The following UVRAG variants were observed in gnomAD, a reference collection of about 807,000 sequenced individuals.
UVRAG encodes UV radiation resistance-associated gene protein.
Under a neutral mutation model 78.0 loss-of-function variants are expected in UVRAG, and 19 were observed. That is an observed-to-expected ratio of 0.24 (90% CI 0.17 to 0.36). The LOEUF is 0.36. UVRAG is among the 10% of genes least tolerant of loss of function. The probability of loss-of-function intolerance (pLI) is 1.00; values close to 1 mark genes in which losing one functional copy is unlikely to be tolerated. For missense variants in UVRAG, 740 were observed against 853.8 expected (o/e 0.87, Z 1.66); for synonymous variants, 323 against 324.6 (o/e 1.00, Z 0.05).
At chr11:76,081,453 G>A (rs1162703343) in intron 13 of UVRAG, among the ~76,000 whole-genome samples, 1 of 152,014 alleles carries the variant, frequency 6.6e-6, no homozygotes, top group South Asian at 2.1e-4. Context: ...TGATCTGCCC[G>A]CCTCTGCCTC....
At chr11:76,140,555 T>C (rs970588682) in intron 14 of UVRAG, among the ~76,000 whole-genome samples, 156 bp from the exon 15 acceptor site, 2 of 152,148 alleles carry the variant, frequency 1.3e-5, no homozygotes, top group African/African-American at 4.8e-5. Context: ...ATGTTGTTTT[T>C]TGCATTGAGA....
intron 1 of UVRAG, among the ~76,000 whole-genome samples, chr11:75,817,482 T>A (rs1342584595): frequency 6.6e-6 from 1 of 152,200 alleles, no homozygotes; most frequent in Non-Finnish European, 1.5e-5. Context: ...GAATGCTATA[T>A]GAGTGCCGAG....
chr11:76,066,087 C>T (rs541219072), intron 13 of UVRAG, among the ~76,000 whole-genome samples: 59 of 152,264 alleles, frequency 3.9e-4, no homozygotes, highest in Non-Finnish European at 7.6e-4. Flanking sequence ...CATCTCTTGC[C>T]TCTGCAGCTT....
chr11:75,983,698 T>C, intron 8 of UVRAG, 185 bp downstream of exon 8: 1 of 790,544 alleles, frequency 1.3e-6, no homozygotes, highest in Non-Finnish European at 1.8e-6. Context: ...TAGAGTATGT[T>C]TACACAAGCT....
chr11:76,022,828 T>C (rs1223948475), intron 12 of UVRAG, among the ~76,000 whole-genome samples: 1 of 152,226 alleles, frequency 6.6e-6, no homozygotes, highest in Admixed American at 6.5e-5. Context: ...TTATGCTTTT[T>C]TTGTGTCTCA....
At chr11:76,137,719 T>C (rs955206697) in intron 14 of UVRAG, 1 of 305,852 alleles carries the variant, frequency 3.3e-6, no homozygotes, top group Non-Finnish European at 6.4e-6. Context: ...TGCAAGATGA[T>C]GAGATCCTGT....
At chr11:76,138,511 A>G (rs1183515409) in intron 14 of UVRAG, among the ~76,000 whole-genome samples, 1 of 152,172 alleles carries the variant, frequency 6.6e-6, no homozygotes, top group African/African-American at 2.4e-5. Context: ...AGAGTTCTCA[A>G]ACTCAACGAG....
chr11:75,899,508 G>C (rs943891155), intron 5 of UVRAG, among the ~76,000 whole-genome samples: 2 of 152,024 alleles, frequency 1.3e-5, no homozygotes, highest in Non-Finnish European at 2.9e-5. Flanking sequence ...TTAGAAGAAG[G>C]CATTAAACTA....
intron 14 of UVRAG, among the ~76,000 whole-genome samples, chr11:76,134,691 C>T (rs965053407): frequency 2.0e-5 from 3 of 152,174 alleles, no homozygotes; most frequent in Admixed American, 6.5e-5. Context: ...CCTACTGAAA[C>T]GAATCATAAT....
intron 9 of UVRAG, among the ~76,000 whole-genome samples, chr11:76,005,926 G>A (rs543349868): frequency 3.9e-5 from 6 of 152,306 alleles, no homozygotes; most frequent in East Asian, 1.9e-4. Flanking sequence ...TCCATGCCCC[G>A]TCTGTGCACA....
chr11:76,009,605 A>G (rs1950013996), intron 11 of UVRAG, among the ~76,000 whole-genome samples: 1 of 152,186 alleles, frequency 6.6e-6, no homozygotes, highest in Non-Finnish European at 1.5e-5. Context: ...ACTAAAGAAG[A>G]GAGCATTGCT....
At chr11:76,044,190 G>A (rs1950702468) in intron 12 of UVRAG, among the ~76,000 whole-genome samples, 1 of 152,118 alleles carries the variant, frequency 6.6e-6, no homozygotes, top group Admixed American at 6.6e-5. Context: ...CTCCTCTAAG[G>A]ACCTCTGTAG....
intron 1 of UVRAG, among the ~76,000 whole-genome samples, chr11:75,847,422 C>G (rs1946059845): frequency 6.6e-6 from 1 of 151,680 alleles, no homozygotes; most frequent in African/African-American, 2.4e-5. Flanking sequence ...CCACTGTGCC[C>G]AGCCCAGCTA....
chr11:75,937,236 CG>C (rs1948390673), intron 6 of UVRAG, among the ~76,000 whole-genome samples: 1 of 152,020 alleles, frequency 6.6e-6, no homozygotes. Context: ...GGCATGGTGG[CG>C]GGCGCTTGTA....
chr11:76,128,094 G>T (rs1370784244), intron 14 of UVRAG, among the ~76,000 whole-genome samples: 4 of 152,134 alleles, frequency 2.6e-5, no homozygotes, highest in African/African-American at 9.7e-5. Context: ...TTAGCACTGG[G>T]GTCCCCAACC....
chr11:75,855,009 CTTAGCGCA>C (rs1946256332), intron 2 of UVRAG, among the ~76,000 whole-genome samples: 1 of 152,060 alleles, frequency 6.6e-6, no homozygotes, highest in Non-Finnish European at 1.5e-5. Flanking sequence ...AACACCAGTA[CTTAGCGCA>C]TTTTGGGAAT....
chr11:76,128,719 T>C (rs1952459270), intron 14 of UVRAG, among the ~76,000 whole-genome samples: 1 of 152,062 alleles, frequency 6.6e-6, no homozygotes, highest in East Asian at 1.9e-4. Flanking sequence ...TGGGCTCAAG[T>C]GATTCCCCCC....
chr11:75,954,074 C>G (rs981347962), intron 6 of UVRAG, among the ~76,000 whole-genome samples: 1 of 152,062 alleles, frequency 6.6e-6, no homozygotes, highest in Non-Finnish European at 1.5e-5. Flanking sequence ...CAGGATGTCC[C>G]ATGTTATTTT....
At chr11:76,017,476 A>T (rs1233094997) in intron 12 of UVRAG, among the ~76,000 whole-genome samples, 1 of 152,162 alleles carries the variant, frequency 6.6e-6, no homozygotes, top group Non-Finnish European at 1.5e-5. Context: ...TGTGAGGTAA[A>T]CACAAAATTT....
Sources: allele counts gnomAD v4.1 joint callset (sites outside exome capture counted in the v4.1 genomes callset), GRCh38; gene constraint gnomAD v4.1.1; transcripts MANE v1.5; gene names NCBI Gene and HGNC (gene_info 2026-07-23, HGNC 2026-07-21).